Variants in CEP128 observed in about 807,000 individuals in gnomAD.
CEP128 encodes centrosomal protein 128kDa.
Under a neutral mutation model 156.7 loss-of-function variants are expected in CEP128, and 132 were observed. The ratio of observed to expected loss-of-function variants is 0.84; its 90% confidence interval spans 0.73 to 0.97. The LOEUF (loss-of-function observed/expected upper bound fraction) is 0.97. CEP128 is among the 50% of genes least tolerant of loss of function. CEP128 has a pLI of 0.00. For synonymous variants in CEP128, 469 were observed against 448.9 expected, an observed-to-expected ratio of 1.04 and a Z score of -0.57; for missense variants, 1,252 against 1,281.9, an observed-to-expected ratio of 0.98 and a Z score of 0.36.
intron 16 of CEP128, among the ~76,000 whole-genome samples, chr14:80,771,547 T>C (rs1482747130): frequency 6.6e-6 from 1 of 152,190 alleles, no homozygotes. Context: ...TGTCACTTTA[T>C]AGATGACTTA....
chr14:80,893,908 A>G (rs1404140016), intron 8 of CEP128, among the ~76,000 whole-genome samples: 1 of 152,020 alleles, frequency 6.6e-6, no homozygotes, highest in Non-Finnish European at 1.5e-5. Flanking sequence ...TACGACTGTA[A>G]AGTAGTGGGG....
chr14:80,826,054 C>T (rs550780767), intron 13 of CEP128, among the ~76,000 whole-genome samples: 41 of 144,142 alleles, frequency 2.8e-4, no homozygotes, highest in African/African-American at 4.2e-4. Flanking sequence ...TGCAGTGAGC[C>T]GAGATCGCAC....
chr14:80,512,330 T>C (rs1272027696), intron 23 of CEP128, among the ~76,000 whole-genome samples: 1 of 152,052 alleles, frequency 6.6e-6, no homozygotes, highest in Non-Finnish European at 1.5e-5. Context: ...ATGATAACCT[T>C]GTCTATGATA....
At chr14:80,914,251 C>T (rs1213063309) in intron 4 of CEP128, 71 bp downstream of exon 4, 25 of 1,041,528 alleles carry the variant, frequency 2.4e-5, no homozygotes, top group Non-Finnish European at 3.6e-5. Context: ...TAGCTCACAG[C>T]CCCATTCCCC....
At chr14:80,498,645 G>C (rs147313846) in intron 24 of CEP128, among the ~76,000 whole-genome samples, 2 of 152,192 alleles carry the variant, frequency 1.3e-5, no homozygotes, top group African/African-American at 4.8e-5. Flanking sequence ...CCTCAGGGAG[G>C]CAGATCCTGA....
intron 2 of CEP128, among the ~76,000 whole-genome samples, chr14:80,931,130 T>C (rs1170141635): frequency 6.6e-6 from 1 of 152,234 alleles, no homozygotes; most frequent in African/African-American, 2.4e-5. Context: ...TGCATGAGGA[T>C]ACGATATGCG....
intron 19 of CEP128, among the ~76,000 whole-genome samples, chr14:80,721,681 C>G (rs766790070): frequency 2.0e-5 from 3 of 152,074 alleles, no homozygotes; most frequent in Non-Finnish European, 4.4e-5. Context: ...CAGCACAGCT[C>G]CATAATGATG....
intron 20 of CEP128, among the ~76,000 whole-genome samples, chr14:80,572,745 C>G (rs543377867): frequency 6.6e-6 from 1 of 152,158 alleles, no homozygotes; most frequent in East Asian, 1.9e-4. Flanking sequence ...CTACATAAGC[C>G]CCAATGCCCA....
At chr14:80,917,981 T>A (rs1201170325) in intron 2 of CEP128, among the ~76,000 whole-genome samples, 1 of 152,164 alleles carries the variant, frequency 6.6e-6, no homozygotes, top group Non-Finnish European at 1.5e-5. Flanking sequence ...TTAGAGAACA[T>A]CCTGTTGAAC....
Position 80,641,599 on chromosome 14 carries a change from C to G in CEP128, c.2807-61176G>C, listed in dbSNP as rs889404442. 3.9e-5 allele frequency among the ~76,000 whole-genome samples: 6 copies of G among 152,122 alleles called. No homozygotes were observed. In the South Asian group the frequency reaches 1.2e-3, roughly 32 times the overall value. ...ATGCTTGTTGAATTAAAAGTTTCTACGGCTTAATACTGATTTTTAAAGTAT... is the reference window on the plus strand; with the variant it reads ...ATGCTTGTTGAATTAAAAGTTTCTAGGGCTTAATACTGATTTTTAAAGTAT... On this transcript the variant is annotated intron_variant, in intron 19 of 24. Transcript: ENST00000555265.
At chr14:80,807,988 C>T (rs1485631142) in intron 13 of CEP128, among the ~76,000 whole-genome samples, 1 of 152,122 alleles carries the variant, frequency 6.6e-6, no homozygotes, top group South Asian at 2.1e-4. Flanking sequence ...GGATAGAGCA[C>T]ATCAAAAAAG....
intron 24 of CEP128, among the ~76,000 whole-genome samples, chr14:80,499,818 T>C (rs529536737): frequency 8.9e-4 from 135 of 152,306 alleles, no homozygotes; most frequent in African/African-American, 3.0e-3. Context: ...TAGTGGTCAG[T>C]TGCCACTTTT....
intron 20 of CEP128, among the ~76,000 whole-genome samples, chr14:80,567,372 A>G (rs942474554): frequency 2.6e-5 from 4 of 152,090 alleles, no homozygotes; most frequent in African/African-American, 9.7e-5. Context: ...AGATACAGAA[A>G]TGGGGGTCTA....
In CEP128 at chr14:80,831,000, A is replaced by G. The variant is rs956158473; in HGVS notation, c.1209+143T>C. ...CATAGGAATTTCTACATATAAGTAA[A>G]TCAGTCATTAATATAACTTTATATT... On this transcript the variant is annotated intron_variant, in intron 13 of 24. Transcript: ENST00000555265. 2.0e-5 allele frequency: 14 copies of G among 707,596 alleles called. No homozygotes were observed. The Admixed American group carries it at 2.0e-4, about 10-fold the overall frequency. 43.8% of individuals were successfully genotyped at this position (707,596 alleles called of 1,614,324 possible).
At chr14:80,844,336 C>T (rs1886492020) in intron 9 of CEP128, among the ~76,000 whole-genome samples, 2 of 151,952 alleles carry the variant, frequency 1.3e-5, no homozygotes, top group South Asian at 4.1e-4. Context: ...ATACCAACAA[C>T]TACAACTTAA....
At chr14:80,811,677 A>G (rs75809528) in intron 13 of CEP128, among the ~76,000 whole-genome samples, 62 of 146,488 alleles carry the variant, frequency 4.2e-4, no homozygotes, top group Non-Finnish European at 6.1e-4. Context: ...GTACAGACAT[A>G]TGTGTGTGTG....
chr14:80,490,427 G>A (rs527391928), downstream of CEP128: 3 of 152,294 alleles, frequency 2.0e-5, no homozygotes, highest in African/African-American at 7.2e-5. Context: ...AAATCAGGTT[G>A]CTCTGAAGTT....
At chr14:80,650,002 T>C (rs1171685525) in intron 19 of CEP128, among the ~76,000 whole-genome samples, 3 of 152,170 alleles carry the variant, frequency 2.0e-5, no homozygotes, top group African/African-American at 7.2e-5. Context: ...TAAATTACTT[T>C]GGGCAGTATG....
intron 19 of CEP128, among the ~76,000 whole-genome samples, chr14:80,606,121 C>T (rs1288090457): frequency 3.3e-5 from 5 of 151,938 alleles, no homozygotes; most frequent in African/African-American, 9.7e-5. Context: ...TTTTGCTAAA[C>T]ATAAAAAAAT....
Sources: gnomAD v4.1 joint callset for allele counts (sites outside exome capture counted in the v4.1 genomes callset) on GRCh38, gnomAD v4.1.1 for gene constraint, MANE v1.5 for transcripts, NCBI Gene and HGNC (gene_info 2026-07-23, HGNC 2026-07-21) for gene names.